Variants in CSMD1 observed in about 807,000 individuals in gnomAD.
CSMD1 encodes CUB and sushi domain-containing protein 1.
Under a neutral mutation model 417.5 loss-of-function variants are expected in CSMD1, and 213 were observed. That is an observed-to-expected ratio of 0.51 (90% CI 0.46 to 0.57). CSMD1 has a LOEUF of 0.57. Ranked by LOEUF, CSMD1 falls within the 20% of genes least tolerant of loss-of-function variation. CSMD1 has a pLI of 0.00. For missense variants in CSMD1, 6,923 were observed against 4,529.7 expected, an observed-to-expected ratio of 1.53 and a Z score of -15.17; for synonymous variants, 2,862 against 1,736.8, an observed-to-expected ratio of 1.65 and a Z score of -16.11.
intron 41 of CSMD1, among the ~76,000 whole-genome samples, chr8:3,135,070 T>C (rs1818001405): frequency 6.6e-6 from 1 of 152,046 alleles, no homozygotes; most frequent in Admixed American, 6.5e-5. Context: ...ACCACGGGTG[T>C]CCAACACCAC....
intron 26 of CSMD1, among the ~76,000 whole-genome samples, chr8:3,234,203 C>A (rs1281728804): frequency 6.6e-6 from 1 of 152,184 alleles, no homozygotes; most frequent in Non-Finnish European, 1.5e-5. Flanking sequence ...AATCTCTCTC[C>A]ATTTCTGCAT....
chr8:3,363,479 G>A (rs1249105622), intron 20 of CSMD1, among the ~76,000 whole-genome samples: 2 of 150,698 alleles, frequency 1.3e-5, no homozygotes, highest in African/African-American at 4.8e-5. Flanking sequence ...ACCTGGACAG[G>A]AGGAGTTTTG....
At chr8:4,547,830 G>A (rs1362622486) in intron 2 of CSMD1, among the ~76,000 whole-genome samples, 1 of 152,192 alleles carries the variant, frequency 6.6e-6, no homozygotes, top group Non-Finnish European at 1.5e-5. Context: ...AACAAGAATG[G>A]TTAGGTTTTG....
intron 5 of CSMD1, among the ~76,000 whole-genome samples, chr8:3,777,882 T>C (rs1279525558): frequency 6.6e-6 from 1 of 150,670 alleles, no homozygotes; most frequent in Admixed American, 6.6e-5. Flanking sequence ...CGCAGTCTCC[T>C]TGAAGCGCAG....
intron 23 of CSMD1, among the ~76,000 whole-genome samples, chr8:3,312,842 C>T (rs565420043): frequency 1.3e-5 from 2 of 152,102 alleles, no homozygotes; most frequent in South Asian, 2.1e-4. Context: ...ACACTTTGAC[C>T]CCTAGGCTGT....
chr8:4,722,878 CT>C lies in CSMD1; in HGVS notation c.86-85321del, dbSNP rs549265804. On this transcript the variant is annotated intron_variant, in intron 1 of 69. Coordinates refer to ENST00000635120, the MANE Select transcript of CSMD1 (RefSeq NM_033225.6). ...TAGATATCTCAACAAAAAAAGATTT[CT>C]CCTCTGTGAAATACAAAGATCTTAC... 4.7e-3 allele frequency among the ~76,000 whole-genome samples: 719 copies of C among 152,192 alleles called. 9 individuals are homozygous for C. Among genetic ancestry groups the C allele is most frequent in the African/African-American group, 0.015 (641 of 41,524 alleles).
chr8:4,702,810 G>A (rs900617732), intron 1 of CSMD1, among the ~76,000 whole-genome samples: 3 of 152,004 alleles, frequency 2.0e-5, no homozygotes, highest in Non-Finnish European at 4.4e-5. Context: ...ATAATAGCGG[G>A]ATTCATCATA....
intron 3 of CSMD1, among the ~76,000 whole-genome samples, chr8:4,117,392 C>T (rs996254833): frequency 6.6e-6 from 1 of 151,202 alleles, no homozygotes; most frequent in Admixed American, 6.9e-5. Flanking sequence ...AAGGAGCTCC[C>T]AAGCTGAACC....
intron 3 of CSMD1, among the ~76,000 whole-genome samples, chr8:4,399,392 T>C (rs1278286838): frequency 1.3e-5 from 2 of 152,194 alleles, no homozygotes; most frequent in Admixed American, 6.5e-5. Flanking sequence ...GTTTCAAACA[T>C]AGGCAAGGGC....
intron 4 of CSMD1, among the ~76,000 whole-genome samples, chr8:3,998,418 C>A (rs1200330672): frequency 6.6e-6 from 1 of 152,138 alleles, no homozygotes; most frequent in African/African-American, 2.4e-5. Context: ...ACAAGATTTT[C>A]AGAGATTTTC....
rs988048838 is a variant in CSMD1, at chr8:3,262,198, T to G, written c.4153+21946A>C. On this transcript the variant is annotated intron_variant, in intron 26 of 69. Coordinates refer to ENST00000635120, the MANE Select transcript of CSMD1 (RefSeq NM_033225.6). ...ATGCTCATATGAATATATATATATA[T>G]ATATATATATATATATATATATATA... Among the ~76,000 whole-genome samples the G allele has an allele frequency of 1.6e-3, 130 of 81,338 alleles. 5 individuals carry two copies. The highest frequency in any genetic ancestry group is 5.0e-3 in the African/African-American group (119 of 23,654). The allele number at this position is 81,338 out of a possible 152,430, so 53.4% of individuals were successfully genotyped here.
chr8:3,960,882 A>G (rs1376855449), intron 5 of CSMD1, among the ~76,000 whole-genome samples: 1 of 152,062 alleles, frequency 6.6e-6, no homozygotes, highest in African/African-American at 2.4e-5. Context: ...TAATGTTTAT[A>G]CAAAGCTCAT....
intron 37 of CSMD1, among the ~76,000 whole-genome samples, chr8:3,176,099 G>C (rs561371819): frequency 5.9e-5 from 9 of 152,144 alleles, no homozygotes; most frequent in African/African-American, 2.2e-4. Context: ...AAATAACTTG[G>C]AAAGACAGAA....
intron 32 of CSMD1, among the ~76,000 whole-genome samples, chr8:3,200,081 T>C (rs1796915295): frequency 6.6e-6 from 1 of 152,106 alleles, no homozygotes; most frequent in African/African-American, 2.4e-5. Flanking sequence ...GGTAGGCCTA[T>C]ATAATAGAGT....
At chr8:3,897,053 G>A (rs973015820) in intron 5 of CSMD1, among the ~76,000 whole-genome samples, 1 of 151,628 alleles carries the variant, frequency 6.6e-6, no homozygotes, top group Non-Finnish European at 1.5e-5. Flanking sequence ...TTTTATTAAG[G>A]GAAATTATTG....
chr8:4,990,525 A>G (rs1195572687), intron 1 of CSMD1, among the ~76,000 whole-genome samples: 1 of 152,040 alleles, frequency 6.6e-6, no homozygotes, highest in Non-Finnish European at 1.5e-5. Flanking sequence ...CACCACGCCC[A>G]GCTAATTTCG....
chr8:4,755,474 T>C (rs1412024281), intron 1 of CSMD1, among the ~76,000 whole-genome samples: 1 of 152,224 alleles, frequency 6.6e-6, no homozygotes, highest in Non-Finnish European at 1.5e-5. Flanking sequence ...GTTTCTATGA[T>C]TGACATTTAT....
chr8:3,224,968 T>G (rs1178192889), intron 27 of CSMD1, among the ~76,000 whole-genome samples: 1 of 152,254 alleles, frequency 6.6e-6, no homozygotes, highest in Non-Finnish European at 1.5e-5. Context: ...AAAGCGTGAC[T>G]ACAATTAAAT....
rs34791623 is a variant in CSMD1, at chr8:4,510,390, T to TA, written c.303-90326dup. Among the ~76,000 whole-genome samples the TA allele has an allele frequency of 1.1e-3, 61 of 54,630 alleles. 3 individuals carry two copies. Among genetic ancestry groups the TA allele is most frequent in the African/African-American group, 4.0e-3 (52 of 12,954 alleles). The allele number at this position is 54,630 out of a possible 152,430, so 35.8% of individuals were successfully genotyped here. On this transcript the variant is annotated intron_variant, in intron 2 of 69. Transcript: ENST00000635120. ...GTAGACAATTAAAAAGCATAATGCC[T>TA]AAAAAAAAAAAAAAAAAAAAAAAAA...
Sources: gnomAD v4.1 joint callset for allele counts (sites outside exome capture counted in the v4.1 genomes callset) on GRCh38, gnomAD v4.1.1 for gene constraint, MANE v1.5 for transcripts, NCBI Gene and HGNC (gene_info 2026-07-23, HGNC 2026-07-21) for gene names.